PCDH11X: variants seen among roughly 807,000 people sequenced by gnomAD.
The protein encoded by PCDH11X is protocadherin 11 X-linked.
A neutral mutation model predicts 53.3 loss-of-function variants in PCDH11X; 18 were observed. The observed-to-expected ratio is 0.34, with a 90% CI of 0.23 to 0.50. The LOEUF is 0.50. PCDH11X is among the 20% of genes least tolerant of loss of function. The pLI is 0.98. For missense variants in PCDH11X, 570 were observed against 1,032.4 expected (o/e 0.55, Z 6.14); for synonymous variants, 279 against 393.3 (o/e 0.71, Z 3.44).
intron 6 of PCDH11X, among the ~76,000 whole-genome samples, chrX:92,065,377 C>T (rs758942165): frequency 1.1e-3 from 120 of 111,022 alleles, no homozygotes; most frequent in South Asian, 1.5e-3. Flanking sequence ...TGGATATATA[C>T]CCAACAGTAA....
chrX:92,591,638 CT>C (rs1428871547), intron 10 of PCDH11X, among the ~76,000 whole-genome samples: 1 of 111,120 alleles, frequency 9.0e-6, no homozygotes, highest in Non-Finnish European at 1.9e-5. Context: ...GACTTTATGA[CT>C]ATGTGGGGTA....
chrX:91,926,428 C>A (rs1400166025), intron 6 of PCDH11X, among the ~76,000 whole-genome samples: 2 of 111,102 alleles, frequency 1.8e-5, no homozygotes, highest in African/African-American at 6.5e-5. Flanking sequence ...ATAAAATTAA[C>A]CATCACATGA....
At chrX:92,474,714 C>T (rs2148667063) in intron 10 of PCDH11X, among the ~76,000 whole-genome samples, 1 of 97,441 alleles carries the variant, frequency 1.0e-5, no homozygotes, top group African/African-American at 3.9e-5. Flanking sequence ...AACAAACAAA[C>T]ATAAAAATGT....
chrX:91,987,603 G>A lies in PCDH11X; in HGVS notation c.3033+108330G>A, dbSNP rs757225493. Among the ~76,000 whole-genome samples, 690 of 110,833 alleles carry A rather than the reference G, an allele frequency of 6.2e-3. 8 individuals are homozygous for A. Among genetic ancestry groups the A allele is most frequent in the African/African-American group, 0.022 (661 of 30,573 alleles). ...AATGATTCATACTATCCACTATGAA[G>A]ATTTTACATTGTATGATGGAAAAAT... is the stretch of plus-strand genomic sequence containing the variant. On this transcript the variant is annotated intron_variant, in intron 6 of 10. Transcript: ENST00000682573.
intron 7 of PCDH11X, among the ~76,000 whole-genome samples, chrX:92,255,735 C>T (rs768178810): frequency 1.5e-3 from 169 of 112,282 alleles, no homozygotes; most frequent in South Asian, 4.8e-3. Context: ...TGGAGGGTGC[C>T]TCCCAGTTAG....
At chrX:92,229,412 G>A (rs2067028608) in intron 7 of PCDH11X, among the ~76,000 whole-genome samples, 1 of 111,103 alleles carries the variant, frequency 9.0e-6, no homozygotes, top group Non-Finnish European at 1.9e-5. Flanking sequence ...TGGTGGGATT[G>A]CTTGACACAG....
intron 7 of PCDH11X, among the ~76,000 whole-genome samples, chrX:92,257,291 A>T (rs1351043555): frequency 9.0e-6 from 1 of 111,367 alleles, no homozygotes; most frequent in East Asian, 2.8e-4. Flanking sequence ...ATCAGCCCCC[A>T]CATCCAACAT....
At chrX:92,389,793 T>A (rs1288227449) in intron 9 of PCDH11X, among the ~76,000 whole-genome samples, 1 of 110,647 alleles carries the variant, frequency 9.0e-6, no homozygotes. Flanking sequence ...GTTAAGGATA[T>A]AAGTGCTAGC....
chrX:92,132,635 G>GTATATA (rs796606879), intron 6 of PCDH11X, among the ~76,000 whole-genome samples: 3 of 61,852 alleles, frequency 4.9e-5, no homozygotes, highest in African/African-American at 1.4e-4. Flanking sequence ...ATATATATAT[G>GTATATA]TATATATATA....
In PCDH11X at chrX:92,597,575, T is replaced by A. The variant is rs187993425; in HGVS notation, c.3368-20689T>A. Reference sequence around the variant, plus strand: ...ATTCCATGTTCATGAATTAGAAAAATTAATATTTTTTTAAATGTCCATATT... The same window carrying A: ...ATTCCATGTTCATGAATTAGAAAAAATAATATTTTTTTAAATGTCCATATT... On this transcript the variant is annotated intron_variant, in intron 10 of 10. Coordinates refer to ENST00000682573, the MANE Select transcript of PCDH11X (RefSeq NM_032968.5). 8.6e-3 allele frequency among the ~76,000 whole-genome samples: 953 copies of A among 110,675 alleles called. 5 individuals are homozygous for A. Among genetic ancestry groups the A allele is most frequent in the African/African-American group, 0.029 (897 of 30,478 alleles).
At chrX:91,930,192 A>C (rs1241026335) in intron 6 of PCDH11X, among the ~76,000 whole-genome samples, 1 of 108,378 alleles carries the variant, frequency 9.2e-6, no homozygotes, top group East Asian at 2.9e-4. Flanking sequence ...TAAAACGTAG[A>C]CTATTCACTG....
chrX:91,784,500 C>T (rs1397794516), intron 1 of PCDH11X, among the ~76,000 whole-genome samples: 2 of 112,010 alleles, frequency 1.8e-5, no homozygotes, highest in South Asian at 3.8e-4. Context: ...GAGTAAACTC[C>T]GTTTGTCCTG....
intron 1 of PCDH11X, among the ~76,000 whole-genome samples, chrX:91,780,950 A>G (rs1264815919): frequency 8.9e-6 from 1 of 112,119 alleles, no homozygotes; most frequent in African/African-American, 3.2e-5. Flanking sequence ...CTTTTGCTTC[A>G]GAATGATTTA....
chrX:92,180,904 T>A (rs1461433989), intron 6 of PCDH11X, among the ~76,000 whole-genome samples: 4 of 110,243 alleles, frequency 3.6e-5, no homozygotes, highest in Non-Finnish European at 7.6e-5. Flanking sequence ...GGTATGTCTT[T>A]ATTAGCAGTG....
intron 6 of PCDH11X, among the ~76,000 whole-genome samples, chrX:92,122,485 T>A (rs1213034340): frequency 8.9e-6 from 1 of 111,956 alleles, no homozygotes; most frequent in Non-Finnish European, 1.9e-5. Flanking sequence ...TCTGTCATAC[T>A]TAACATGCCT....
chrX:92,487,056 T>TC (rs1367871190), intron 10 of PCDH11X, among the ~76,000 whole-genome samples: 1 of 81,339 alleles, frequency 1.2e-5, no homozygotes, highest in African/African-American at 4.7e-5. Context: ...TCCTTTTTTT[T>TC]TTTTTTTTTT....
At chrX:91,898,896 CTCTG>C (rs1392322504) in intron 6 of PCDH11X, among the ~76,000 whole-genome samples, 1 of 109,185 alleles carries the variant, frequency 9.2e-6, no homozygotes, top group Non-Finnish European at 1.9e-5. Flanking sequence ...CAATCATCTT[CTCTG>C]TCTGAGACTC....
At chrX:92,552,015 T>C (rs1271404526) in intron 10 of PCDH11X, among the ~76,000 whole-genome samples, 1 of 93,803 alleles carries the variant, frequency 1.1e-5, no homozygotes, top group Non-Finnish European at 2.1e-5. Flanking sequence ...TTTCTCAGGA[T>C]AGCTTTGATA....
chrX:92,255,922 C>T (rs1004826024), intron 7 of PCDH11X, among the ~76,000 whole-genome samples: 2 of 112,631 alleles, frequency 1.8e-5, no homozygotes, highest in Non-Finnish European at 3.8e-5. Flanking sequence ...GTGGAGCCTA[C>T]AGAGGCAGGC....
Sources: allele counts gnomAD v4.1 joint callset (sites outside exome capture counted in the v4.1 genomes callset), GRCh38; gene constraint gnomAD v4.1.1; transcripts MANE v1.5; gene names NCBI Gene and HGNC (gene_info 2026-07-23, HGNC 2026-07-21).